Variants in MYO3A observed in about 807,000 individuals in gnomAD.
MYO3A encodes the protein myosin-IIIa.
In MYO3A, 180 loss-of-function variants were observed where a neutral mutation model predicts 192.7. The ratio of observed to expected loss-of-function variants is 0.93; its 90% CI spans 0.83 to 1.06. The LOEUF is 1.06. Ranked by LOEUF, MYO3A falls within the 50% of genes least tolerant of loss-of-function variation. The pLI, the probability that MYO3A is intolerant of heterozygous loss-of-function variation, is 0.00. For missense variants in MYO3A, 1,896 were observed against 1,905.0 expected (o/e 1.00, Z 0.09); for synonymous variants, 628 against 645.3 (o/e 0.97, Z 0.41).
At chr10:26,150,062 A>G (rs1368395607) in intron 23 of MYO3A, among the ~76,000 whole-genome samples, 1 of 147,952 alleles carries the variant, frequency 6.8e-6, no homozygotes, top group African/African-American at 2.6e-5. Context: ...GTGTGTAGAC[A>G]CCACATTTTC....
intron 14 of MYO3A, among the ~76,000 whole-genome samples, chr10:26,079,462 T>C (rs989250298): frequency 4.6e-5 from 7 of 152,208 alleles, no homozygotes; most frequent in African/African-American, 1.7e-4. Context: ...TGCAGTTCCG[T>C]ATCTTTTAAG....
chr10:26,015,753 ACACTCCT>A (rs750348746), intron 6 of MYO3A, among the ~76,000 whole-genome samples: 459 of 152,270 alleles, frequency 3.0e-3, no homozygotes, highest in Admixed American at 6.2e-3. Flanking sequence ...TTTTAATGTT[ACACTCCT>A]CACTCTTCTG....
At chr10:26,066,594 C>A (rs550373887) in intron 10 of MYO3A, among the ~76,000 whole-genome samples, 1 of 152,114 alleles carries the variant, frequency 6.6e-6, no homozygotes, top group African/African-American at 2.4e-5. Context: ...AATGACCATA[C>A]CTTGATCACC....
chr10:25,966,326 C>T (rs1441389639), intron 4 of MYO3A, among the ~76,000 whole-genome samples: 10 of 152,070 alleles, frequency 6.6e-5, no homozygotes, highest in Non-Finnish European at 1.0e-4. Flanking sequence ...TTACTCTGCA[C>T]CAGCCATTTT....
At chr10:26,184,816 C>G (rs938965167) in intron 31 of MYO3A, among the ~76,000 whole-genome samples, 2 of 152,166 alleles carry the variant, frequency 1.3e-5, no homozygotes, top group South Asian at 4.1e-4. Context: ...ATGCTAGTAC[C>G]CACATTGATA....
At chr10:25,960,868 T>A (rs977910689) in intron 4 of MYO3A, among the ~76,000 whole-genome samples, 9 of 152,178 alleles carry the variant, frequency 5.9e-5, no homozygotes, top group African/African-American at 2.2e-4. Context: ...AAGGGTCAAC[T>A]GCATTTTTTA....
At chr10:26,192,312 G>A (rs17739724) in intron 31 of MYO3A, among the ~76,000 whole-genome samples, 9,672 of 152,226 alleles carry the variant, frequency 0.064, 396 homozygotes, top group Non-Finnish European at 0.097. Flanking sequence ...TTGGTTTGAG[G>A]TTCTAAATTT....
At chr10:26,027,798 T>G (rs931067605) in intron 10 of MYO3A, among the ~76,000 whole-genome samples, 2 of 152,230 alleles carry the variant, frequency 1.3e-5, no homozygotes, top group African/African-American at 2.4e-5. Context: ...GCCTGACAAT[T>G]TAATGATTAA....
At chr10:26,082,945 C>T (rs1039071836) in intron 14 of MYO3A, among the ~76,000 whole-genome samples, 30 of 152,310 alleles carry the variant, frequency 2.0e-4, no homozygotes, top group Middle Eastern at 3.4e-3. Context: ...TGATCATGCA[C>T]TGTGACTATG....
chr10:26,137,221 A>G (rs1589019542), intron 20 of MYO3A, among the ~76,000 whole-genome samples: 1 of 152,360 alleles, frequency 6.6e-6, no homozygotes, highest in East Asian at 1.9e-4. Flanking sequence ...TATATTTTAA[A>G]TTATTCCAGA....
intron 15 of MYO3A, among the ~76,000 whole-genome samples, chr10:26,092,870 G>A (rs905513353): frequency 2.5e-4 from 38 of 152,334 alleles, no homozygotes; most frequent in African/African-American, 8.4e-4. Context: ...CTTAAGCACA[G>A]CTTGATATGG....
intron 4 of MYO3A, among the ~76,000 whole-genome samples, chr10:25,980,951 G>A (rs1029936746): frequency 3.3e-5 from 5 of 151,868 alleles, no homozygotes; most frequent in South Asian, 4.2e-4. Flanking sequence ...TTACAGTATC[G>A]CATAGAGTAG....
At chr10:26,023,315 A>G (rs775642918) in intron 8 of MYO3A, 1 of 152,274 alleles carries the variant, frequency 6.6e-6, no homozygotes, top group African/African-American at 2.4e-5. Context: ...AATTAACATA[A>G]AGCAGCACTT....
At chr10:26,135,941 T>C (rs1839821698) in intron 20 of MYO3A, among the ~76,000 whole-genome samples, 2 of 122,720 alleles carry the variant, frequency 1.6e-5, no homozygotes, top group African/African-American at 3.1e-5. Context: ...CACTCCAGCC[T>C]GGGTGAAAGA....
intron 34 of MYO3A, among the ~76,000 whole-genome samples, chr10:26,208,624 G>C (rs1318035593): frequency 6.6e-6 from 1 of 152,232 alleles, no homozygotes; most frequent in Non-Finnish European, 1.5e-5. Context: ...ATTCAAGTCA[G>C]TAACTCAGAA....
In MYO3A at chr10:26,070,410, T is replaced by G. The variant is rs1387092335; in HGVS notation, c.1359+9T>G. On this transcript the variant is annotated intron_variant, in intron 14 of 34. Transcript: ENST00000642920. ...TGACAGTGCTTGGAAAGGTATAATT[T>G]ATTTTTTTCTCTGTCCCATCAGAAA... 4.4e-6 allele frequency: 7 copies of G among 1,606,864 alleles called. No individual in the cohort carries two copies. The highest frequency in any genetic ancestry group is 6.0e-6 in the Non-Finnish European group (7 of 1,174,858).
At chr10:25,986,341 C>G (rs7095192) in intron 4 of MYO3A, among the ~76,000 whole-genome samples, 1 of 152,024 alleles carries the variant, frequency 6.6e-6, no homozygotes, top group Non-Finnish European at 1.5e-5. Flanking sequence ...ACATAGTACT[C>G]GAATTCCTTG....
chr10:26,100,045 C>CT (rs1204133612), intron 17 of MYO3A, among the ~76,000 whole-genome samples: 2 of 152,112 alleles, frequency 1.3e-5, no homozygotes, highest in Admixed American at 1.3e-4. Context: ...TGGTCCTGGA[C>CT]TTTTTTTGAT....
intron 17 of MYO3A, among the ~76,000 whole-genome samples, chr10:26,108,476 T>TA (rs1373352997): frequency 1.4e-4 from 22 of 152,228 alleles, no homozygotes; most frequent in Non-Finnish European, 5.9e-5. Flanking sequence ...GAAATGCTAA[T>TA]AGACGTGAAA....
Sources: gnomAD v4.1 joint callset for allele counts (sites outside exome capture counted in the v4.1 genomes callset) on GRCh38, gnomAD v4.1.1 for gene constraint, MANE v1.5 for transcripts, NCBI Gene and HGNC (gene_info 2026-07-23, HGNC 2026-07-21) for gene names.